Variants in SCML4 observed in about 807,000 individuals in gnomAD.
The protein encoded by SCML4 is Scm polycomb group protein like 4, also known as sex comb on midleg-like protein 4.
A neutral mutation model predicts 41.1 loss-of-function variants in SCML4; 34 were observed. That is an observed-to-expected ratio of 0.83 (90% confidence interval 0.63 to 1.10). The LOEUF (loss-of-function observed/expected upper bound fraction) is 1.10. SCML4 is among the 50% of genes least tolerant of loss of function. SCML4 has a pLI of 0.00. For synonymous variants in SCML4, 214 were observed against 220.9 expected (o/e 0.97, Z 0.28); for missense variants, 522 against 534.1 (o/e 0.98, Z 0.22).
intron 6 of SCML4, chr6:107,719,516 T>A (rs1775160097): frequency 6.6e-6 from 1 of 152,254 alleles, no homozygotes; most frequent in Non-Finnish European, 1.5e-5. Context: ...GGTGGCAAGA[T>A]GAAGACTCCC....
the SCML4 span, among the ~76,000 whole-genome samples, chr6:107,831,879 C>T: frequency 3.1e-5 from 4 of 130,796 alleles, no homozygotes; most frequent in Admixed American, 8.6e-5. Context: ...CGGTGAAACC[C>T]GTCTCTACTA....
At chr6:107,721,130 T>C (rs846978) in intron 5 of SCML4, 137 bp from the exon 6 acceptor site, 908,931 of 996,856 alleles carry the variant, frequency 0.91, 414,809 homozygotes, top group Admixed American at 0.93. Flanking sequence ...GAAATGAACC[T>C]CACAACATAA....
chr6:107,802,797 A>G (rs1056892682), intron 1 of SCML4, among the ~76,000 whole-genome samples: 12 of 147,746 alleles, frequency 8.1e-5, no homozygotes, highest in South Asian at 2.1e-4. Context: ...ATGCCGAGCC[A>G]AAGCTGGACT....
rs1004023105 is a variant in SCML4, at chr6:107,708,031, G to A, written c.974-20C>T. The A allele has an allele frequency of 5.8e-6, 9 of 1,548,472 alleles. No homozygotes were observed. The highest frequency in any genetic ancestry group is 2.0e-5 in the Admixed American group (1 of 51,000). On this transcript the variant is annotated intron_variant, in intron 6 of 7. Transcript: ENST00000369020. ...TTGAGGCTGGATGGGGCACAGAGAG[G>A]GAGACCATGAGCCAGTGGGACAGGG...
intron 5 of SCML4, among the ~76,000 whole-genome samples, chr6:107,743,244 T>C (rs903680649): frequency 6.6e-6 from 1 of 152,208 alleles, no homozygotes; most frequent in African/African-American, 2.4e-5. Context: ...CCTGGACATA[T>C]CAATTATTGA....
chr6:107,784,248 T>C (rs1488183484), intron 1 of SCML4, among the ~76,000 whole-genome samples: 2 of 152,200 alleles, frequency 1.3e-5, no homozygotes, highest in Middle Eastern at 3.4e-3. Context: ...AGTCTGTCTC[T>C]CTGTGGCCAC....
chr6:107,798,189 A>T (rs925320404), intron 1 of SCML4, among the ~76,000 whole-genome samples: 1 of 148,140 alleles, frequency 6.8e-6, no homozygotes, highest in African/African-American at 2.6e-5. Context: ...CAAAGAGCAT[A>T]TATAAGATAT....
chr6:107,832,062 C>CAAAA, the SCML4 span, among the ~76,000 whole-genome samples: 13 of 133,874 alleles, frequency 9.7e-5, no homozygotes, highest in African/African-American at 3.4e-4. Flanking sequence ...GACTCTGTCT[C>CAAAA]AAAAAAAAAA....
intron 2 of SCML4, chr6:107,755,580 G>A: frequency 7.5e-7 from 1 of 1,337,286 alleles, no homozygotes; most frequent in Non-Finnish European, 9.9e-7. Context: ...CCTCTCTCCA[G>A]TGGAATGGGG....
the SCML4 span, among the ~76,000 whole-genome samples, chr6:107,829,686 T>C: frequency 6.6e-6 from 1 of 152,262 alleles, no homozygotes; most frequent in African/African-American, 2.4e-5. Context: ...CAAACCACCA[T>C]GGCACATGTA....
chr6:107,747,239 T>TTC (rs1778202727), intron 3 of SCML4, among the ~76,000 whole-genome samples: 1 of 152,200 alleles, frequency 6.6e-6, no homozygotes, highest in Non-Finnish European at 1.5e-5. Flanking sequence ...CATACAAAAC[T>TTC]TCTTCTCCCT....
At chr6:107,751,578 CTTTCTTT>C (rs1562218536) in intron 2 of SCML4, among the ~76,000 whole-genome samples, 10 of 69,964 alleles carry the variant, frequency 1.4e-4, no homozygotes, top group African/African-American at 4.7e-4. Context: ...AACAATCTTT[CTTTCTTT>C]CTTTCTTTCT....
At chr6:107,717,863 A>C (rs1774991737) in intron 6 of SCML4, among the ~76,000 whole-genome samples, 1 of 152,160 alleles carries the variant, frequency 6.6e-6, no homozygotes, top group Admixed American at 6.5e-5. Flanking sequence ...TAATACTTCT[A>C]AGTTATTAAA....
At chr6:107,778,022 C>G (rs1211075779) in intron 1 of SCML4, among the ~76,000 whole-genome samples, 1 of 151,158 alleles carries the variant, frequency 6.6e-6, no homozygotes, top group African/African-American at 2.4e-5. Context: ...CGAGACCAGC[C>G]TGGCCAACAC....
rs1778465974 is a variant in SCML4 at position 107,749,840 on chromosome 6, T to C, written c.157-27A>G. 3.1e-6 allele frequency: 5 copies of C among 1,613,328 alleles called. No homozygotes were observed. In the East Asian group the frequency reaches 6.7e-5, roughly 22 times the overall value. On this transcript the variant is annotated intron_variant, in intron 2 of 7. Transcript: ENST00000369020. Reference sequence around the variant, plus strand: ...TGGAAGAGAGAGCCCATTTGGTCAATGAGAATCTGGCAATTCTCTCTACAC... The same window carrying C: ...TGGAAGAGAGAGCCCATTTGGTCAACGAGAATCTGGCAATTCTCTCTACAC...
chr6:107,784,622 T>C (rs1377487033), intron 1 of SCML4, among the ~76,000 whole-genome samples: 2 of 152,216 alleles, frequency 1.3e-5, no homozygotes, highest in Admixed American at 6.5e-5. Context: ...CTCTGCATAC[T>C]CTTTTTTACC....
At chr6:107,742,819 GA>G (rs35427576) in intron 5 of SCML4, among the ~76,000 whole-genome samples, 106,482 of 150,472 alleles carry the variant, frequency 0.71, 39,462 homozygotes, top group Admixed American at 0.81. Context: ...CAATGTGAAA[GA>G]AAAAAAAAAC....
Position 107,772,278 on chromosome 6 carries a change from T to G in SCML4, c.50A>C (p.His17Pro). 5 of 1,551,286 alleles carry G rather than the reference T, an allele frequency of 3.2e-6. No homozygotes were observed. Among genetic ancestry groups the G allele is most frequent in the Non-Finnish European group, 4.4e-6 (5 of 1,146,868 alleles). The change falls in exon 2 of 8, where the codon CAC (histidine) becomes CCC (proline). Residue 17 changes from histidine (H) to proline (P), a missense_variant. His to Pro is a moderately conservative substitution (Grantham distance 77). Transcript: ENST00000369020. ...AACTGCCATCTTCATAGGCGTGGAG[T>G]GAAGTGAGGGTCGGCCTCGCTTTCT... ...PGRKRGRPSL[H>P]STPMKMAVHN...
chr6:107,845,405 G>T, the SCML4 span, among the ~76,000 whole-genome samples: 1 of 152,198 alleles, frequency 6.6e-6, no homozygotes, highest in Non-Finnish European at 1.5e-5. Context: ...CCCGGCACTA[G>T]GAGGAGATGG....
Sources: allele counts gnomAD v4.1 joint callset (sites outside exome capture counted in the v4.1 genomes callset), GRCh38; gene constraint gnomAD v4.1.1; transcripts MANE v1.5; gene names NCBI Gene and HGNC (gene_info 2026-07-23, HGNC 2026-07-21).